ST6GALNAC3: variants seen among roughly 807,000 people sequenced by gnomAD.
ST6GALNAC3 encodes the protein alpha-N-acetylgalactosaminide alpha-2,6-sialyltransferase 3.
In ST6GALNAC3, 25 loss-of-function variants were observed where a neutral mutation model predicts 32.7. That is an observed-to-expected ratio of 0.76 (90% CI 0.56 to 1.07). ST6GALNAC3 has a LOEUF of 1.07. Ranked by LOEUF, ST6GALNAC3 falls within the 50% of genes least tolerant of loss-of-function variation. The pLI, the probability that ST6GALNAC3 is intolerant of heterozygous loss-of-function variation, is 0.00. For synonymous variants in ST6GALNAC3, 129 were observed against 133.1 expected (o/e 0.97, Z 0.21); for missense variants, 355 against 382.4 (o/e 0.93, Z 0.60).
intron 2 of ST6GALNAC3, among the ~76,000 whole-genome samples, chr1:76,390,286 G>A (rs1050725056): frequency 2.0e-5 from 3 of 152,060 alleles, no homozygotes; most frequent in Admixed American, 6.6e-5. Flanking sequence ...GTCTACAGCT[G>A]TTATCATCTT....
intron 1 of ST6GALNAC3, among the ~76,000 whole-genome samples, chr1:76,270,192 A>T (rs1031866418): frequency 4.6e-5 from 7 of 152,196 alleles, no homozygotes; most frequent in Admixed American, 6.5e-5. Context: ...CTCATTGGGT[A>T]TATTTACTTG....
At chr1:76,234,657 T>C (rs1656549879) in intron 1 of ST6GALNAC3, among the ~76,000 whole-genome samples, 1 of 152,226 alleles carries the variant, frequency 6.6e-6, no homozygotes, top group Non-Finnish European at 1.5e-5. Flanking sequence ...AATTCAATCT[T>C]CAAAACACAT....
At chr1:76,506,979 G>T (rs1403310805) in intron 3 of ST6GALNAC3, among the ~76,000 whole-genome samples, 2 of 152,182 alleles carry the variant, frequency 1.3e-5, no homozygotes, top group Non-Finnish European at 2.9e-5. Flanking sequence ...ATGCAGTTGA[G>T]CTCTGGCAGA....
intron 2 of ST6GALNAC3, among the ~76,000 whole-genome samples, chr1:76,335,853 G>C (rs1647430365): frequency 6.6e-6 from 1 of 152,142 alleles, no homozygotes; most frequent in African/African-American, 2.4e-5. Context: ...AACCATGCTG[G>C]AATGACTTAT....
At chr1:76,107,044 T>C (rs1205061671) in intron 1 of ST6GALNAC3, among the ~76,000 whole-genome samples, 1 of 152,204 alleles carries the variant, frequency 6.6e-6, no homozygotes, top group East Asian at 1.9e-4. Context: ...GTCATGAGTT[T>C]ATGGAAAGAA....
intron 1 of ST6GALNAC3, among the ~76,000 whole-genome samples, chr1:76,302,150 A>G (rs1220718791): frequency 6.6e-6 from 1 of 152,076 alleles, no homozygotes; most frequent in Non-Finnish European, 1.5e-5. Context: ...CTATCTAAGA[A>G]TACTTATACT....
chr1:76,118,586 T>C (rs1648642584), intron 1 of ST6GALNAC3, among the ~76,000 whole-genome samples: 1 of 152,198 alleles, frequency 6.6e-6, no homozygotes, highest in Non-Finnish European at 1.5e-5. Flanking sequence ...ACACTGCCTA[T>C]TTCAAGTGCA....
chr1:76,229,358 C>T (rs1181207147), intron 1 of ST6GALNAC3, among the ~76,000 whole-genome samples: 1 of 152,174 alleles, frequency 6.6e-6, no homozygotes, highest in East Asian at 1.9e-4. Flanking sequence ...TAACACACCC[C>T]TAACAAATCA....
chr1:76,290,722 T>G (rs902254657), intron 1 of ST6GALNAC3, among the ~76,000 whole-genome samples: 3 of 152,202 alleles, frequency 2.0e-5, no homozygotes, highest in Non-Finnish European at 2.9e-5. Context: ...TATCTCATAC[T>G]GGGACATTTG....
chr1:76,287,236 C>T (rs1368393317), intron 1 of ST6GALNAC3, among the ~76,000 whole-genome samples: 1 of 152,132 alleles, frequency 6.6e-6, no homozygotes, highest in Non-Finnish European at 1.5e-5. Context: ...TCATTTTGCA[C>T]AAATGATTAT....
chr1:76,347,655 T>C (rs1448863092), intron 2 of ST6GALNAC3, among the ~76,000 whole-genome samples: 2 of 152,104 alleles, frequency 1.3e-5, no homozygotes, highest in Middle Eastern at 3.2e-3. Flanking sequence ...TCCTTATAAG[T>C]TTTACTGTAC....
intron 3 of ST6GALNAC3, among the ~76,000 whole-genome samples, chr1:76,619,414 A>G (rs1413499819): frequency 6.6e-6 from 1 of 152,154 alleles, no homozygotes; most frequent in Non-Finnish European, 1.5e-5. Flanking sequence ...CGTGATTTGT[A>G]ACTTAGTTTA....
intron 1 of ST6GALNAC3, among the ~76,000 whole-genome samples, chr1:76,200,866 G>A (rs1654477442): frequency 6.6e-6 from 1 of 152,086 alleles, no homozygotes; most frequent in African/African-American, 2.4e-5. Context: ...TGGTAAGGAG[G>A]CAGGATGGAG....
At chr1:76,202,288 G>C (rs1654570068) in intron 1 of ST6GALNAC3, among the ~76,000 whole-genome samples, 1 of 151,800 alleles carries the variant, frequency 6.6e-6, no homozygotes, top group Admixed American at 6.6e-5. Flanking sequence ...GTGTGTGTGT[G>C]TGTGTGTGTG....
chr1:76,337,822 G>A (rs755596080), intron 2 of ST6GALNAC3, among the ~76,000 whole-genome samples: 11 of 152,150 alleles, frequency 7.2e-5, no homozygotes, highest in Non-Finnish European at 1.0e-4. Flanking sequence ...CTGGTCCTGT[G>A]TGATTGGGAT....
At chr1:76,216,060 T>A (rs1029982209) in intron 1 of ST6GALNAC3, among the ~76,000 whole-genome samples, 1 of 152,174 alleles carries the variant, frequency 6.6e-6, no homozygotes, top group African/African-American at 2.4e-5. Context: ...TCCACTGCCT[T>A]GGCCACACTG....
chr1:76,383,568 T>G (rs903473446), intron 2 of ST6GALNAC3, among the ~76,000 whole-genome samples: 4 of 151,920 alleles, frequency 2.6e-5, no homozygotes, highest in Non-Finnish European at 5.9e-5. Flanking sequence ...TCACTGCAAT[T>G]GGCCCCCACA....
At chr1:76,553,686 G>A (rs752144824) in intron 3 of ST6GALNAC3, among the ~76,000 whole-genome samples, 9 of 152,036 alleles carry the variant, frequency 5.9e-5, no homozygotes, top group Middle Eastern at 3.4e-3. Flanking sequence ...ATTTTTACTC[G>A]TCTTTAGTAA....
At chr1:76,295,125 G>A (rs899964175) in intron 1 of ST6GALNAC3, among the ~76,000 whole-genome samples, 1 of 151,654 alleles carries the variant, frequency 6.6e-6, no homozygotes, top group Non-Finnish European at 1.5e-5. Flanking sequence ...TTATTGAGAT[G>A]TTTTCTTTTT....
Sources: allele counts gnomAD v4.1 joint callset (sites outside exome capture counted in the v4.1 genomes callset), GRCh38; gene constraint gnomAD v4.1.1; transcripts MANE v1.5; gene names NCBI Gene and HGNC (gene_info 2026-07-23, HGNC 2026-07-21).